PCGF6: variants seen among roughly 807,000 people sequenced by gnomAD.
PCGF6 encodes polycomb group ring finger 6, also known as polycomb group RING finger protein 6.
A neutral mutation model predicts 45.5 loss-of-function variants in PCGF6; 24 were observed. The observed-to-expected ratio is 0.53, with a 90% CI of 0.38 to 0.74. The LOEUF (loss-of-function observed/expected upper bound fraction) is 0.74. PCGF6 is among the 30% of genes least tolerant of loss of function. The probability of loss-of-function intolerance (pLI) is 0.00; values close to 1 mark genes in which losing one functional copy is unlikely to be tolerated. For synonymous variants in PCGF6, 152 were observed against 162.1 expected (o/e 0.94, Z 0.47); for missense variants, 356 against 443.2 (o/e 0.80, Z 1.77).
At chr10:103,339,251 A>G (rs2093269653) in intron 6 of PCGF6, among the ~76,000 whole-genome samples, 1 of 151,990 alleles carries the variant, frequency 6.6e-6, no homozygotes, top group Non-Finnish European at 1.5e-5. Flanking sequence ...TTAGCTGGGC[A>G]TGATGGTGTG....
chr10:103,311,207 T>C (rs867117708), intron 9 of PCGF6, among the ~76,000 whole-genome samples: 2 of 152,114 alleles, frequency 1.3e-5, no homozygotes, highest in Admixed American at 1.3e-4. Context: ...AGTAGTGCGA[T>C]CTTGGCTCAC....
At chr10:103,339,649 G>C (rs1407691954) in intron 6 of PCGF6, among the ~76,000 whole-genome samples, 1 of 150,270 alleles carries the variant, frequency 6.7e-6, no homozygotes, top group African/African-American at 2.5e-5. Flanking sequence ...AATTAGCTGG[G>C]TGTGGAGGAG....
At chr10:103,329,788 T>C (rs952049142) in intron 7 of PCGF6, among the ~76,000 whole-genome samples, 2 of 150,184 alleles carry the variant, frequency 1.3e-5, no homozygotes, top group African/African-American at 4.9e-5. Context: ...TTTTGTTGTT[T>C]GTTTGTTTTT....
At chr10:103,345,582 C>T (rs1169745124) in intron 5 of PCGF6, among the ~76,000 whole-genome samples, 7 of 152,024 alleles carry the variant, frequency 4.6e-5, no homozygotes, top group Non-Finnish European at 1.0e-4. Flanking sequence ...AATTCCAACC[C>T]TTTGGGAGGC....
At chr10:103,310,603 A>G (rs2093153740) in intron 9 of PCGF6, among the ~76,000 whole-genome samples, 1 of 152,234 alleles carries the variant, frequency 6.6e-6, no homozygotes, top group Non-Finnish European at 1.5e-5. Flanking sequence ...GGACAAGAAA[A>G]AAAGATAATT....
At chr10:103,341,502 T>A (rs1370835804) in intron 6 of PCGF6, among the ~76,000 whole-genome samples, 1 of 150,344 alleles carries the variant, frequency 6.7e-6, no homozygotes, top group African/African-American at 2.4e-5. Context: ...TGCACTGGTG[T>A]GATCTCGGCT....
chr10:103,307,170 T>A (rs560373142), intron 9 of PCGF6, among the ~76,000 whole-genome samples: 1 of 151,964 alleles, frequency 6.6e-6, no homozygotes, highest in African/African-American at 2.4e-5. Flanking sequence ...GTGTGGTGGC[T>A]CATGGCTCAT....
At chr10:103,322,420 G>C (rs1354103395) in intron 8 of PCGF6, among the ~76,000 whole-genome samples, 1 of 151,706 alleles carries the variant, frequency 6.6e-6, no homozygotes, top group Non-Finnish European at 1.5e-5. Context: ...TGCCCAGGCT[G>C]GTCTCAAACT....
intron 8 of PCGF6, among the ~76,000 whole-genome samples, chr10:103,315,160 CT>C (rs1396554233): frequency 6.6e-6 from 1 of 151,946 alleles, no homozygotes; most frequent in Non-Finnish European, 1.5e-5. Flanking sequence ...CTTTTCAGCC[CT>C]TTGGTAATTG....
At chr10:103,321,437 G>C (rs2093196876) in intron 8 of PCGF6, among the ~76,000 whole-genome samples, 2 of 152,142 alleles carry the variant, frequency 1.3e-5, no homozygotes, top group Admixed American at 1.3e-4. Flanking sequence ...TTGTAGGCTG[G>C]GCGCGGTGGC....
At chr10:103,319,455 A>G (rs1325677197) in intron 8 of PCGF6, among the ~76,000 whole-genome samples, 1 of 151,902 alleles carries the variant, frequency 6.6e-6, no homozygotes, top group Non-Finnish European at 1.5e-5. Flanking sequence ...CTGGCCATAC[A>G]TACTCTTCTT....
intron 6 of PCGF6, among the ~76,000 whole-genome samples, chr10:103,335,786 T>C (rs921688851): frequency 2.1e-4 from 32 of 151,846 alleles, no homozygotes; most frequent in African/African-American, 7.5e-4. Flanking sequence ...GCCAACATAA[T>C]GAAACCCCGT....
chr10:103,341,008 T>A (rs1339782622), intron 6 of PCGF6, among the ~76,000 whole-genome samples: 2 of 152,054 alleles, frequency 1.3e-5, no homozygotes, highest in Non-Finnish European at 2.9e-5. Flanking sequence ...GGTGGGCGGA[T>A]CACCTGAGGT....
intron 6 of PCGF6, among the ~76,000 whole-genome samples, chr10:103,335,309 C>T (rs1187286307): frequency 6.6e-6 from 1 of 151,774 alleles, no homozygotes; most frequent in Non-Finnish European, 1.5e-5. Context: ...CTGCCTTAGC[C>T]TCCCCAAATG....
At chr10:103,349,042 T>A in intron 1 of PCGF6, 43 bp from the exon 2 acceptor site, 1 of 1,502,450 alleles carries the variant, frequency 6.7e-7, no homozygotes, top group South Asian at 1.2e-5. Context: ...AGTCCTTGCC[T>A]TTTACAAATT....
chr10:103,340,182 A>G (rs1233180012), intron 6 of PCGF6, among the ~76,000 whole-genome samples: 2 of 20,890 alleles, frequency 9.6e-5, no homozygotes, highest in Non-Finnish European at 3.1e-4. Context: ...GTCTCAGGGA[A>G]AAAAAAAAAA....
intron 9 of PCGF6, among the ~76,000 whole-genome samples, chr10:103,309,383 A>G (rs758234610): frequency 3.3e-5 from 5 of 152,164 alleles, no homozygotes; most frequent in Non-Finnish European, 7.4e-5. Flanking sequence ...AAAAGTGAAT[A>G]AGGTCTTGTG....
intron 5 of PCGF6, among the ~76,000 whole-genome samples, chr10:103,345,508 C>T (rs2093295844): frequency 6.8e-6 from 1 of 147,998 alleles, no homozygotes; most frequent in Non-Finnish European, 1.5e-5. Flanking sequence ...AGTGCTACTG[C>T]TTTTTTTTTT....
intron 9 of PCGF6, 33 bp from the exon 10 acceptor site, chr10:103,303,994 G>A (rs779905592): frequency 1.3e-6 from 2 of 1,577,610 alleles, no homozygotes; most frequent in Admixed American, 3.4e-5. Context: ...CGATTTTGCA[G>A]TTCTTTCAAA....
Sources: gnomAD v4.1 joint callset for allele counts (sites outside exome capture counted in the v4.1 genomes callset) on GRCh38, gnomAD v4.1.1 for gene constraint, MANE v1.5 for transcripts, NCBI Gene and HGNC (gene_info 2026-07-23, HGNC 2026-07-21) for gene names.